Variants in SYN3 observed in about 807,000 individuals in gnomAD.
The protein encoded by SYN3 is synapsin-3.
In SYN3, 35 loss-of-function variants were observed where a neutral mutation model predicts 65.8. The ratio of observed to expected loss-of-function variants is 0.53; its 90% CI spans 0.41 to 0.70. SYN3 has a LOEUF of 0.70. SYN3 is among the 30% of genes least tolerant of loss of function. The pLI is 0.00. For synonymous variants in SYN3, 270 were observed against 292.9 expected (o/e 0.92, Z 0.80); for missense variants, 680 against 749.0 (o/e 0.91, Z 1.08).
chr22:32,774,231 C>T (rs1271643693), intron 6 of SYN3, among the ~76,000 whole-genome samples: 1 of 152,066 alleles, frequency 6.6e-6, no homozygotes, highest in Non-Finnish European at 1.5e-5. Flanking sequence ...GTAAATGTGA[C>T]CTTATTTGGA....
chr22:32,782,786 G>A (rs2046102548), intron 6 of SYN3, among the ~76,000 whole-genome samples: 2 of 152,152 alleles, frequency 1.3e-5, no homozygotes, highest in Admixed American at 1.3e-4. Context: ...TAAAGTGCTG[G>A]GATTACAGGC....
chr22:32,586,255 A>T (rs574650722), intron 7 of SYN3, among the ~76,000 whole-genome samples: 26 of 152,174 alleles, frequency 1.7e-4, no homozygotes, highest in Non-Finnish European at 2.1e-4. Flanking sequence ...TGAATAAGTG[A>T]ATACTGACCC....
chr22:32,736,758 C>A (rs1193401912), intron 6 of SYN3, among the ~76,000 whole-genome samples: 5 of 152,070 alleles, frequency 3.3e-5, no homozygotes, highest in African/African-American at 1.2e-4. Flanking sequence ...ACAATTTGAC[C>A]AGCATTATAT....
chr22:32,652,986 T>C (rs1451478517), intron 6 of SYN3, among the ~76,000 whole-genome samples: 1 of 152,218 alleles, frequency 6.6e-6, no homozygotes, highest in Non-Finnish European at 1.5e-5. Context: ...GGGGCTTTCA[T>C]TGCACGTGTT....
intron 6 of SYN3, among the ~76,000 whole-genome samples, chr22:32,617,599 G>A (rs1391259727): frequency 6.6e-6 from 1 of 152,010 alleles, no homozygotes; most frequent in East Asian, 1.9e-4. Flanking sequence ...AGGGCTGAAA[G>A]GTAGATTTGG....
intron 7 of SYN3, among the ~76,000 whole-genome samples, chr22:32,564,621 C>A (rs1403411749): frequency 6.6e-6 from 1 of 151,732 alleles, no homozygotes; most frequent in Non-Finnish European, 1.5e-5. Context: ...AGCAGTACTC[C>A]CAGAATGCAC....
chr22:32,995,126 G>C (rs1276152891), intron 2 of SYN3, among the ~76,000 whole-genome samples: 2 of 152,092 alleles, frequency 1.3e-5, no homozygotes, highest in Admixed American at 6.5e-5. Flanking sequence ...CCTCCCTGCT[G>C]GTGGCGGACA....
At chr22:32,529,138 A>G in intron 10 of SYN3, 130 bp from the exon 11 acceptor site, 1 of 1,143,570 alleles carries the variant, frequency 8.7e-7, no homozygotes, top group South Asian at 1.4e-5. Context: ...CCTCCATGCA[A>G]ATCACCTCCA....
intron 6 of SYN3, among the ~76,000 whole-genome samples, chr22:32,830,322 T>G (rs1486436758): frequency 1.3e-5 from 2 of 152,152 alleles, no homozygotes; most frequent in Non-Finnish European, 2.9e-5. Context: ...GTATCTCCCT[T>G]AATGCCTGCA....
Position 33,015,220 on chromosome 22 carries a change from C to CAA in SYN3, c.-162-8398_-162-8397dup, listed in dbSNP as rs1158885870. 813 of 101,346 alleles carry CAA rather than the reference C, an allele frequency of 8.0e-3. 4 individuals carry two copies. The highest frequency in any genetic ancestry group is 0.018 in the South Asian group (140 of 7,568). 6.3% of individuals were successfully genotyped at this position (101,346 alleles called of 1,614,324 possible). On this transcript the variant is annotated intron_variant, in intron 1 of 13. Transcript: ENST00000358763. ...TGGGCGACAGAGTGAGACTCCGTCT[C>CAA]AAAAAAAAAAAAAAAAAAAAAACTA... is the stretch of plus-strand genomic sequence containing the variant.
At chr22:32,611,284 G>GTTTTTTTTTTTTTT in intron 6 of SYN3, among the ~76,000 whole-genome samples, 1 of 94,520 alleles carries the variant, frequency 1.1e-5, no homozygotes, top group Non-Finnish European at 2.1e-5. Context: ...TTTTTTTTTT[G>GTTTTTTTTTTTTTT]TTTTTTTTTT....
At chr22:32,544,274 C>A (rs1209420493) in intron 7 of SYN3, among the ~76,000 whole-genome samples, 1 of 152,224 alleles carries the variant, frequency 6.6e-6, no homozygotes, top group Non-Finnish European at 1.5e-5. Context: ...AGCCAAATGA[C>A]ATTTCTGCTC....
intron 4 of SYN3, among the ~76,000 whole-genome samples, chr22:32,924,527 G>A (rs754119823): frequency 6.6e-6 from 1 of 152,186 alleles, no homozygotes; most frequent in African/African-American, 2.4e-5. Context: ...TCACATCCTT[G>A]CTGCTCAAAC....
chr22:32,739,078 G>A (rs1339724644), intron 6 of SYN3, among the ~76,000 whole-genome samples: 1 of 151,666 alleles, frequency 6.6e-6, no homozygotes, highest in Non-Finnish European at 1.5e-5. Flanking sequence ...TCTGATATGG[G>A]TTTGGCTGTG....
chr22:32,603,244 G>A (rs1324489333), intron 6 of SYN3, among the ~76,000 whole-genome samples: 2 of 151,904 alleles, frequency 1.3e-5, no homozygotes, highest in Non-Finnish European at 2.9e-5. Flanking sequence ...CGGGCGCGGT[G>A]GCTCATGCCT....
At chr22:32,981,732 T>C (rs1038960941) in intron 2 of SYN3, among the ~76,000 whole-genome samples, 1 of 152,164 alleles carries the variant, frequency 6.6e-6, no homozygotes, top group Non-Finnish European at 1.5e-5. Flanking sequence ...ATACGTTACA[T>C]GTATCACAAC....
rs528839667 is a variant in SYN3 at position 33,030,281 on chromosome 22, T to C, written c.-162-23457A>G. Among the ~76,000 whole-genome samples, 28 of 152,294 alleles carry C rather than the reference T, an allele frequency of 1.8e-4. No homozygotes were observed. The South Asian group carries it at 5.8e-3, about 32-fold the overall frequency. ...AACACACGGTGCCAAATAAGTGCCC[T>C]CCTTCCTAGAGACAAAGGGGACCTT... On this transcript the variant is annotated intron_variant, in intron 1 of 13. Coordinates refer to ENST00000358763, the MANE Select transcript of SYN3 (RefSeq NM_003490.4).
intron 7 of SYN3, among the ~76,000 whole-genome samples, chr22:32,542,293 AG>A (rs749214991): frequency 6.6e-6 from 1 of 152,208 alleles, no homozygotes; most frequent in South Asian, 2.1e-4. Context: ...ATTAGGAAGA[AG>A]GGAGCGTGCA....
intron 12 of SYN3, 113 bp downstream of exon 12, chr22:32,527,805 A>G: frequency 2.3e-6 from 2 of 852,310 alleles, no homozygotes; most frequent in Non-Finnish European, 3.7e-6. Flanking sequence ...CTGTGGATAA[A>G]GTATTCAGGT....
Sources: allele counts gnomAD v4.1 joint callset (sites outside exome capture counted in the v4.1 genomes callset), GRCh38; gene constraint gnomAD v4.1.1; transcripts MANE v1.5; gene names NCBI Gene and HGNC (gene_info 2026-07-23, HGNC 2026-07-21).